TAS2R1: variants seen among roughly 807,000 people sequenced by gnomAD.
The protein encoded by TAS2R1 is taste receptor type 2 member 1.
For missense variants in TAS2R1, 370 were observed against 353.4 expected (o/e 1.05, Z -0.38); for synonymous variants, 141 against 134.2 (o/e 1.05, Z -0.35).
the TAS2R1 span, among the ~76,000 whole-genome samples, chr5:9,876,812 C>G: frequency 6.6e-6 from 1 of 152,166 alleles, no homozygotes; most frequent in Non-Finnish European, 1.5e-5. Flanking sequence ...TGGGAGGGGA[C>G]TGCAAGGCCA....
Position 9,647,753 on chromosome 5 carries a change from T to C in TAS2R1, c.-81+11668A>G, listed in dbSNP as rs980272832. 2.0e-5 allele frequency among the ~76,000 whole-genome samples: 3 copies of C among 152,318 alleles called. No homozygotes were observed. The East Asian group carries it at 5.8e-4, about 29-fold the overall frequency. On this transcript the variant is annotated intron_variant, in intron 2 of 2. Transcript: ENST00000506620. Reference sequence around the variant, plus strand: ...ATGATAATATAGAAGATTCATTTTATGAAATATTCTTTCTCAATTATTCAC... The same window carrying C: ...ATGATAATATAGAAGATTCATTTTACGAAATATTCTTTCTCAATTATTCAC...
intron 1 of TAS2R1, among the ~76,000 whole-genome samples, chr5:9,680,935 G>A (rs1740982684): frequency 6.6e-6 from 1 of 151,926 alleles, no homozygotes; most frequent in Non-Finnish European, 1.5e-5. Flanking sequence ...TGGTGGCAGG[G>A]GCCTGTAATC....
the TAS2R1 span, among the ~76,000 whole-genome samples, chr5:9,782,977 G>A: frequency 6.6e-6 from 1 of 152,132 alleles, no homozygotes; most frequent in African/African-American, 2.4e-5. Flanking sequence ...CTCTTTAGTG[G>A]GTGTTGCTGA....
rs1349347697 is a variant in TAS2R1 at position 9,630,246 on chromosome 5, T to A, written c.-214A>T. 1 of 380,364 alleles carries A rather than the reference T, an allele frequency of 2.6e-6. No individual in the cohort carries two copies. Among genetic ancestry groups the A allele is most frequent in the Non-Finnish European group, 4.8e-6 (1 of 206,234 alleles). 23.6% of individuals were successfully genotyped at this position (380,364 alleles called of 1,614,324 possible). The stretch of plus-strand genomic sequence containing the variant: ...CAAATAAGGAGGAGATACTCTAGCA[T>A]CAATTTGCTTCTTATTGATGGCTTT... On this transcript the variant is annotated 5_prime_UTR_variant, in exon 1 of 1. The change abolishes an upstream ATG in the 5' untranslated region. Coordinates refer to ENST00000382492, the MANE Select transcript of TAS2R1 (RefSeq NM_019599.3).
At chr5:9,807,837 C>T in the TAS2R1 span, among the ~76,000 whole-genome samples, 1 of 152,032 alleles carries the variant, frequency 6.6e-6, no homozygotes, top group East Asian at 1.9e-4. Context: ...TAACCAAACA[C>T]AACCTGATCC....
the TAS2R1 span, among the ~76,000 whole-genome samples, chr5:9,880,540 G>A: frequency 2.0e-5 from 3 of 152,156 alleles, no homozygotes; most frequent in African/African-American, 4.8e-5. Context: ...CTTAGTTATA[G>A]AGGGGCTGTC....
At chr5:9,640,625 TG>T (rs1740064172) in intron 2 of TAS2R1, among the ~76,000 whole-genome samples, 1 of 151,934 alleles carries the variant, frequency 6.6e-6, no homozygotes, top group Non-Finnish European at 1.5e-5. Context: ...GCTAGTTCCT[TG>T]GTTTCTCAGT....
At chr5:9,689,877 C>T (rs74819918) in intron 1 of TAS2R1, among the ~76,000 whole-genome samples, 2,679 of 152,206 alleles carry the variant, frequency 0.018, 38 homozygotes, top group Non-Finnish European at 0.027. Flanking sequence ...CACATATCCT[C>T]GGATGAAGTA....
chr5:9,848,966 T>C, the TAS2R1 span, among the ~76,000 whole-genome samples: 1 of 152,194 alleles, frequency 6.6e-6, no homozygotes, highest in African/African-American at 2.4e-5. Flanking sequence ...GTCAGGTATC[T>C]ACCATCCCCT....
the TAS2R1 span, among the ~76,000 whole-genome samples, chr5:9,875,582 T>A: frequency 6.6e-6 from 1 of 152,172 alleles, no homozygotes; most frequent in Non-Finnish European, 1.5e-5. Context: ...AAACCTGTTT[T>A]GGGTTTGGTC....
intron 2 of TAS2R1, among the ~76,000 whole-genome samples, chr5:9,653,230 T>C (rs1205823077): frequency 1.3e-5 from 2 of 152,122 alleles, no homozygotes; most frequent in African/African-American, 2.4e-5. Context: ...CCTTCCTTTT[T>C]ATCACCCACG....
rs192248186 is a variant in TAS2R1, at chr5:9,627,746, C to T, written c.*1387G>A. On this transcript the variant is annotated 3_prime_UTR_variant, in exon 1 of 1. Transcript: ENST00000382492. ...CTACAAACCTTCCTACCTAGTGGGA[C>T]GTGGGAAAATGAAATAGCAGGAAGA... is the stretch of plus-strand genomic sequence containing the variant. 6.6e-6 allele frequency among the ~76,000 whole-genome samples: 1 copy of T among 152,190 alleles called. No individual in the cohort carries two copies. The highest frequency in any genetic ancestry group is 1.5e-5 in the Non-Finnish European group (1 of 68,022).
At chr5:9,860,308 C>T in the TAS2R1 span, among the ~76,000 whole-genome samples, 1 of 152,174 alleles carries the variant, frequency 6.6e-6, no homozygotes, top group Non-Finnish European at 1.5e-5. Flanking sequence ...TACTGCCCTC[C>T]TAGCCTCTCA....
At chr5:9,697,796 T>A (rs539587004) in intron 1 of TAS2R1, among the ~76,000 whole-genome samples, 1 of 152,278 alleles carries the variant, frequency 6.6e-6, no homozygotes, top group Non-Finnish European at 1.5e-5. Context: ...TGCTTAATTT[T>A]AAAATGTTAA....
chr5:9,841,222 T>A, the TAS2R1 span, among the ~76,000 whole-genome samples: 1 of 152,218 alleles, frequency 6.6e-6, no homozygotes, highest in Non-Finnish European at 1.5e-5. Context: ...TTTGAATTTA[T>A]CCATATTGAG....
At chr5:9,898,162 C>T in the TAS2R1 span, among the ~76,000 whole-genome samples, 2 of 152,272 alleles carry the variant, frequency 1.3e-5, no homozygotes, top group South Asian at 2.1e-4. Flanking sequence ...TAATCTAACA[C>T]TGTTTAAGCT....
chr5:9,836,297 T>A, the TAS2R1 span, among the ~76,000 whole-genome samples: 1 of 152,074 alleles, frequency 6.6e-6, no homozygotes, highest in African/African-American at 2.4e-5. Context: ...ACTAATAAAG[T>A]GTGTTATTTG....
At chr5:9,646,586 A>G (rs188061031) in intron 2 of TAS2R1, among the ~76,000 whole-genome samples, 26 of 152,268 alleles carry the variant, frequency 1.7e-4, no homozygotes, top group Non-Finnish European at 2.1e-4. Flanking sequence ...CAAAGATACA[A>G]TACTTCCTTA....
At chr5:9,900,971 G>C in the TAS2R1 span, among the ~76,000 whole-genome samples, 1 of 152,172 alleles carries the variant, frequency 6.6e-6, no homozygotes, top group African/African-American at 2.4e-5. Context: ...GACCCTGTCT[G>C]AGAAGCGTGT....
Sources: gnomAD v4.1 joint callset for allele counts (sites outside exome capture counted in the v4.1 genomes callset) on GRCh38, gnomAD v4.1.1 for gene constraint, MANE v1.5 for transcripts, NCBI Gene and HGNC (gene_info 2026-07-23, HGNC 2026-07-21) for gene names.